Variants in ACOX1 observed in about 807,000 individuals in gnomAD.
ACOX1 encodes the protein peroxisomal acyl-coenzyme A oxidase 1.
A neutral mutation model predicts 75.5 loss-of-function variants in ACOX1; 41 were observed. That is an observed-to-expected ratio of 0.54 (90% confidence interval 0.42 to 0.70). The LOEUF is 0.70. ACOX1 is among the 30% of genes least tolerant of loss of function. The probability of loss-of-function intolerance (pLI) is 0.00; values close to 1 mark genes in which losing one functional copy is unlikely to be tolerated. For missense variants in ACOX1, 630 were observed against 837.5 expected (o/e 0.75, Z 3.06); for synonymous variants, 303 against 298.8 (o/e 1.01, Z -0.15).
At chr17:75,958,669 A>C (rs371046658) in intron 3 of ACOX1, among the ~76,000 whole-genome samples, 1 of 151,826 alleles carries the variant, frequency 6.6e-6, no homozygotes, top group African/African-American at 2.4e-5. Context: ...TTAGCTGGGC[A>C]TGGTGGTGGG....
At position 75,949,740 on chromosome 17, in the gene ACOX1, C is replaced by A; in HGVS notation, c.1456G>T (p.Ala486Ser). 1 of 1,614,132 alleles carries A rather than the reference C, an allele frequency of 6.2e-7. No individual in the cohort carries two copies. The highest frequency in any genetic ancestry group is 8.5e-7 in the Non-Finnish European group (1 of 1,180,028). ...DINSPESLTE[A>S]YKLRAARLVE... ...CACCTGGCTGCACGGAGTTTATATG[C>A]TTCGGTTAGGCTTTCGGGGCTGTTG... Residue 486 changes from alanine (A) to serine (S), a missense_variant, in exon 10 of 14, where the codon GCA (alanine) becomes TCA (serine). This residue lies in a region of ACOX1 where 240 missense variants were observed against 262.7 expected (regional missense o/e 0.91). Transcript: ENST00000293217.
chr17:75,958,850 G>C (rs1450112523), intron 3 of ACOX1, among the ~76,000 whole-genome samples: 1 of 151,792 alleles, frequency 6.6e-6, no homozygotes, highest in Non-Finnish European at 1.5e-5. Flanking sequence ...ACTGTTATTG[G>C]GGAAATGACC....
chr17:75,975,050 C>CAAAAAAAAAAAA (rs1022347068), intron 2 of ACOX1, among the ~76,000 whole-genome samples: 12 of 40,214 alleles, frequency 3.0e-4, no homozygotes, highest in Non-Finnish European at 3.8e-4. Context: ...ACTCTGTCTC[C>CAAAAAAAAAAAA]AAAAAAAAAA....
rs958074474 is a variant in ACOX1, at chr17:75,965,065, G to A, written c.270-4690C>T. On this transcript the variant is annotated intron_variant, in intron 2 of 13. Coordinates refer to ENST00000293217, the MANE Select transcript of ACOX1 (RefSeq NM_004035.7). ...AAAAAAATTAACAGCACTCAGGCGT[G>A]GTGGCTCACACCTGTTAATACCAGC... Among the ~76,000 whole-genome samples the A allele has an allele frequency of 4.6e-5, 7 of 152,100 alleles. 1 individual carries two copies. The highest frequency in any genetic ancestry group is 4.6e-4 in the Admixed American group (7 of 15,258).
chr17:75,953,558 C>A lies in ACOX1; in HGVS notation c.837G>T (p.Val279=). The part of the protein sequence containing the change: ...LSNKLTYGTM[V]FVRSFLVGEA... ...CTCCCACAAGGAAGGACCTGACAAA[C>A]ACCATGGTCCCGTAAGTCAGCTTGT... The change falls in exon 7 of 14, where the codon GTG becomes GTT. Residue 279 remains valine, a synonymous_variant. Transcript: ENST00000293217. The A allele has an allele frequency of 6.2e-7, 1 of 1,614,206 alleles. No individual in the cohort carries two copies. The highest frequency in any genetic ancestry group is 8.5e-7 in the Non-Finnish European group (1 of 1,180,016).
intron 3 of ACOX1, among the ~76,000 whole-genome samples, chr17:75,958,645 A>G (rs1381473722): frequency 1.3e-5 from 2 of 151,866 alleles, no homozygotes; most frequent in Non-Finnish European, 2.9e-5. Flanking sequence ...CGTCTCTACT[A>G]AAAATACAAA....
intron 3 of ACOX1, 97 bp from the exon 4 acceptor site, chr17:75,957,663 CAG>C (rs2065846316): frequency 1.2e-6 from 1 of 862,252 alleles, no homozygotes; most frequent in African/African-American, 1.7e-5. Context: ...TCTCATATCT[CAG>C]AGAAAAACAA....
intron 2 of ACOX1, among the ~76,000 whole-genome samples, chr17:75,966,479 TA>T (rs977883368): frequency 2.1e-5 from 3 of 145,734 alleles, no homozygotes; most frequent in Admixed American, 6.9e-5. Context: ...AAAATTAAAA[TA>T]AAAAAATAAA....
At chr17:75,952,842 AAAAAG>A (rs1567875298) in intron 7 of ACOX1, among the ~76,000 whole-genome samples, 2 of 151,274 alleles carry the variant, frequency 1.3e-5, no homozygotes, top group East Asian at 3.9e-4. Context: ...AAAAAAAAAA[AAAAAG>A]AAAAGAAAAT....
chr17:75,967,657 C>CGTATATATAT (rs2065946771), intron 2 of ACOX1, among the ~76,000 whole-genome samples: 1 of 91,610 alleles, frequency 1.1e-5, no homozygotes, highest in Non-Finnish European at 2.0e-5. Flanking sequence ...TATATATATA[C>CGTATATATAT]ATACATATAT....
intron 2 of ACOX1, among the ~76,000 whole-genome samples, chr17:75,975,086 G>C: frequency 7.1e-6 from 1 of 141,840 alleles, no homozygotes; most frequent in East Asian, 2.1e-4. Context: ...AAGAAAGAAA[G>C]AAATAATAGT....
At chr17:75,972,946 G>T (rs60069718) in intron 2 of ACOX1, among the ~76,000 whole-genome samples, 4 of 152,018 alleles carry the variant, frequency 2.6e-5, no homozygotes, top group African/African-American at 9.7e-5. Context: ...CATGAGGCTG[G>T]GCAGTTCAAA....
intron 2 of ACOX1, among the ~76,000 whole-genome samples, chr17:75,975,037 G>T (rs533981555): frequency 9.2e-6 from 1 of 108,260 alleles, no homozygotes; most frequent in Admixed American, 1.2e-4. Context: ...GCGACAGAGC[G>T]AGACTCTGTC....
intron 2 of ACOX1, among the ~76,000 whole-genome samples, chr17:75,970,804 T>A (rs1439021681): frequency 6.6e-6 from 1 of 152,252 alleles, no homozygotes; most frequent in Non-Finnish European, 1.5e-5. Context: ...GTTGACTTTT[T>A]GTGTATTCCA....
chr17:75,962,590 G>C (rs534124940), intron 2 of ACOX1, among the ~76,000 whole-genome samples: 1 of 152,264 alleles, frequency 6.6e-6, no homozygotes, highest in Non-Finnish European at 1.5e-5. Context: ...AGGGCACACT[G>C]CTCAGACAAG....
intron 3 of ACOX1, among the ~76,000 whole-genome samples, chr17:75,959,213 T>C (rs1028193727): frequency 6.6e-6 from 1 of 152,170 alleles, no homozygotes; most frequent in Non-Finnish European, 1.5e-5. Context: ...AATAACCAAC[T>C]TATGTGCAAT....
At chr17:75,965,165 A>G (rs112850231) in intron 2 of ACOX1, among the ~76,000 whole-genome samples, 4,447 of 151,910 alleles carry the variant, frequency 0.029, 71 homozygotes, top group Middle Eastern at 0.051. Flanking sequence ...GCGAAACCCC[A>G]TCTCTACTAA....
intron 2 of ACOX1, among the ~76,000 whole-genome samples, chr17:75,968,016 G>A: frequency 6.6e-6 from 1 of 151,264 alleles, no homozygotes. Context: ...TGGGATTACA[G>A]GCGAGAGCCA....
intron 2 of ACOX1, among the ~76,000 whole-genome samples, chr17:75,974,566 C>T (rs2066026701): frequency 1.3e-5 from 2 of 152,216 alleles, no homozygotes; most frequent in South Asian, 4.1e-4. Context: ...GTTTAAAGTA[C>T]AAAATACATC....
Sources: allele counts gnomAD v4.1 joint callset (sites outside exome capture counted in the v4.1 genomes callset), GRCh38; gene constraint gnomAD v4.1.1; regional missense constraint gnomAD v4.1.1; transcripts MANE v1.5; gene names NCBI Gene and HGNC (gene_info 2026-07-23, HGNC 2026-07-21).